The following SYNJ1 variants were observed in gnomAD, a reference collection of about 807,000 sequenced individuals.
SYNJ1 encodes the protein polyphosphatidylinositol phosphatase SYNJ1.
Under a neutral mutation model 168.2 loss-of-function variants are expected in SYNJ1, and 78 were observed. That is an observed-to-expected ratio of 0.46 (90% CI 0.39 to 0.56). The LOEUF (loss-of-function observed/expected upper bound fraction) is 0.56, where lower values mean the gene tolerates loss of function less well. Among genes scored for constraint, SYNJ1 ranks in the 20% least tolerant of loss-of-function variants. The pLI is 0.00. For synonymous variants in SYNJ1, 539 were observed against 548.6 expected (o/e 0.98, Z 0.24); for missense variants, 1,303 against 1,597.6 (o/e 0.82, Z 3.14).
chr21:32,651,748 T>G (rs2040276946), intron 22 of SYNJ1, among the ~76,000 whole-genome samples: 1 of 152,034 alleles, frequency 6.6e-6, no homozygotes, highest in African/African-American at 2.4e-5. Context: ...TACATAGAGG[T>G]TCACTGGAAT....
intron 4 of SYNJ1, among the ~76,000 whole-genome samples, chr21:32,695,609 T>C (rs1343171800): frequency 6.6e-6 from 1 of 151,614 alleles, no homozygotes; most frequent in Non-Finnish European, 1.5e-5. Flanking sequence ...CACCCCAATT[T>C]ATGAAGCTCT....
intron 2 of SYNJ1, among the ~76,000 whole-genome samples, chr21:32,718,329 A>T (rs541708450): frequency 6.6e-6 from 1 of 152,320 alleles, no homozygotes; most frequent in South Asian, 2.1e-4. Context: ...TCCTACTACC[A>T]ACCCAGAATA....
rs932898983 is a variant in SYNJ1, at chr21:32,700,250, G to A, written c.212-145C>T. On this transcript the variant is annotated intron_variant, in intron 3 of 32. Coordinates refer to ENST00000674351, the MANE Select transcript of SYNJ1 (RefSeq NM_203446.3). ...GTGTTGAAATTCACTAGACATTTTA[G>A]TTGAAAAAAATCCTTGTTTAAATAT... The A allele has an allele frequency of 4.0e-5, 37 of 924,858 alleles. No individual in the cohort carries two copies. The African/African-American group carries it at 4.7e-4, about 12-fold the overall frequency. 57.3% of individuals were successfully genotyped at this position (924,858 alleles called of 1,614,324 possible). A position where few individuals can be genotyped will look rare whatever the true frequency, so the allele number is the denominator to read the frequency against.
chr21:32,722,205 A>ATATATATAT (rs1555913162), intron 2 of SYNJ1, among the ~76,000 whole-genome samples: 4 of 65,728 alleles, frequency 6.1e-5, no homozygotes, highest in Non-Finnish European at 9.2e-5. Flanking sequence ...AAAAAAAAAA[A>ATATATATAT]ATATATATAT....
At chr21:32,690,373 G>A (rs2041979587) in intron 6 of SYNJ1, among the ~76,000 whole-genome samples, 1 of 152,122 alleles carries the variant, frequency 6.6e-6, no homozygotes, top group Non-Finnish European at 1.5e-5. Context: ...ATGCCCGAAT[G>A]ATTTTTATTT....
chr21:32,722,076 T>C (rs1445982465), intron 2 of SYNJ1, among the ~76,000 whole-genome samples: 1 of 151,734 alleles, frequency 6.6e-6, no homozygotes, highest in East Asian at 1.9e-4. Flanking sequence ...TCCCAGCTAC[T>C]TGGGAGGCTG....
chr21:32,713,238 GGAT>G (rs1250446875), intron 2 of SYNJ1, among the ~76,000 whole-genome samples: 2 of 145,958 alleles, frequency 1.4e-5, no homozygotes, highest in Admixed American at 1.4e-4. Flanking sequence ...ATGTCAACAT[GGAT>G]GATTTCCCAT....
intron 6 of SYNJ1, among the ~76,000 whole-genome samples, chr21:32,690,944 A>G (rs1413844605): frequency 6.6e-6 from 1 of 152,220 alleles, no homozygotes; most frequent in Admixed American, 6.5e-5. Context: ...AGCTTGCATT[A>G]AAGGTATTTT....
At chr21:32,683,914 G>C (rs2041725963) in intron 10 of SYNJ1, 124 bp downstream of exon 10, 3 of 770,844 alleles carry the variant, frequency 3.9e-6, no homozygotes, top group Non-Finnish European at 6.2e-6. Context: ...ACAGAGATTA[G>C]AAGTACAAAA....
chr21:32,635,165 A>G (rs1437803516), intron 31 of SYNJ1, among the ~76,000 whole-genome samples: 1 of 152,200 alleles, frequency 6.6e-6, no homozygotes, highest in African/African-American at 2.4e-5. Context: ...TCAGAGTTCT[A>G]AAATATTTTA....
At chr21:32,721,235 A>G (rs1474883614) in intron 2 of SYNJ1, among the ~76,000 whole-genome samples, 1 of 152,252 alleles carries the variant, frequency 6.6e-6, no homozygotes, top group Non-Finnish European at 1.5e-5. Flanking sequence ...TGCTGTACAA[A>G]TACTTTTCAA....
At position 32,628,865 on chromosome 21, in the gene SYNJ1, T is replaced by C. The variant is rs2039217929; in HGVS notation, c.*2940A>G. On this transcript the variant is annotated 3_prime_UTR_variant, in exon 33 of 33. Transcript: ENST00000674351. ...TAATACTGTACTTCTATAAAGTTTA[T>C]AGTTATAAATATTGTATGCCACATA... 6.5e-6 allele frequency: 1 copy of C among 152,672 alleles called. No homozygotes were observed. The highest frequency in any genetic ancestry group is 1.5e-5 in the Non-Finnish European group (1 of 68,046). The allele number at this position is 152,672 out of a possible 1,614,324, so 9.5% of individuals were successfully genotyped here.
chr21:32,642,220 T>C, intron 27 of SYNJ1, 87 bp from the exon 28 acceptor site: 4 of 1,451,014 alleles, frequency 2.8e-6, no homozygotes, highest in Non-Finnish European at 3.9e-6. Flanking sequence ...TCTGCTTCAT[T>C]ACCAGCAGAA....
chr21:32,673,115 G>A (rs2041268892), intron 14 of SYNJ1, among the ~76,000 whole-genome samples: 1 of 151,914 alleles, frequency 6.6e-6, no homozygotes, highest in African/African-American at 2.4e-5. Flanking sequence ...AAGATTTTTT[G>A]TTTTACCATC....
intron 23 of SYNJ1, 83 bp from the exon 24 acceptor site, chr21:32,646,685 A>G: frequency 4.1e-6 from 4 of 981,202 alleles, no homozygotes; most frequent in Non-Finnish European, 6.3e-6. Flanking sequence ...TAAAAAGTTA[A>G]AATACACAAA....
At chr21:32,637,234 G>A (rs1445219400) in intron 31 of SYNJ1, among the ~76,000 whole-genome samples, 1 of 151,882 alleles carries the variant, frequency 6.6e-6, no homozygotes, top group East Asian at 1.9e-4. Flanking sequence ...AGAGTGGCTA[G>A]TTGAAAAAGT....
At chr21:32,663,418 G>A (rs188669195) in intron 18 of SYNJ1, among the ~76,000 whole-genome samples, 333 of 152,258 alleles carry the variant, frequency 2.2e-3, no homozygotes, top group African/African-American at 7.7e-3. Flanking sequence ...GTTGCAAACC[G>A]TGTGGACCCA....
At chr21:32,653,971 T>TA (rs1192559086) in intron 21 of SYNJ1, 1 of 147,890 alleles carries the variant, frequency 6.8e-6, no homozygotes, top group Non-Finnish European at 1.5e-5. Flanking sequence ...ACTTTTGAAA[T>TA]AAAAAAACTA....
chr21:32,690,734 C>A (rs935929401), intron 6 of SYNJ1, among the ~76,000 whole-genome samples: 2 of 152,218 alleles, frequency 1.3e-5, no homozygotes, highest in South Asian at 2.1e-4. Flanking sequence ...ACCGGCCTGA[C>A]CAACATGGTG....
Sources: allele counts gnomAD v4.1 joint callset (sites outside exome capture counted in the v4.1 genomes callset), GRCh38; gene constraint gnomAD v4.1.1; transcripts MANE v1.5; gene names NCBI Gene and HGNC (gene_info 2026-07-23, HGNC 2026-07-21).